The following DGKB variants were observed in gnomAD, a reference collection of about 807,000 sequenced individuals.
The protein encoded by DGKB is diacylglycerol kinase beta.
In DGKB, 67 loss-of-function variants were observed where a neutral mutation model predicts 114.3. That is an observed-to-expected ratio of 0.59 (90% confidence interval 0.48 to 0.72). The LOEUF is 0.72. Ranked by LOEUF, DGKB falls within the 30% of genes least tolerant of loss-of-function variation. The pLI, the probability that DGKB is intolerant of heterozygous loss-of-function variation, is 0.00. For synonymous variants in DGKB, 398 were observed against 323.1 expected, an observed-to-expected ratio of 1.23 and a Z score of -2.49; for missense variants, 907 against 975.2, an observed-to-expected ratio of 0.93 and a Z score of 0.93.
intron 1 of DGKB, among the ~76,000 whole-genome samples, chr7:14,871,335 T>C (rs1166184341): frequency 6.6e-6 from 1 of 152,090 alleles, no homozygotes; most frequent in Non-Finnish European, 1.5e-5. Context: ...TGCTGTGCAA[T>C]AGGTCACCAG....
intron 20 of DGKB, among the ~76,000 whole-genome samples, chr7:14,507,054 G>C (rs1787200811): frequency 6.6e-6 from 1 of 152,092 alleles, no homozygotes. Context: ...CCTGATGTCT[G>C]GGTTATTTAA....
chr7:14,293,128 T>A (rs984643221), intron 23 of DGKB, among the ~76,000 whole-genome samples: 7 of 152,206 alleles, frequency 4.6e-5, no homozygotes, highest in African/African-American at 1.7e-4. Flanking sequence ...TATTGCTATT[T>A]GTTAAATATG....
intron 21 of DGKB, among the ~76,000 whole-genome samples, chr7:14,442,846 C>CTATGCCA (rs1364647608): frequency 6.6e-6 from 1 of 152,052 alleles, no homozygotes; most frequent in African/African-American, 2.4e-5. Context: ...GTGCCCCACT[C>CTATGCCA]TATGCCATAT....
At chr7:14,665,982 C>T (rs1287680290) in intron 13 of DGKB, among the ~76,000 whole-genome samples, 1 of 151,698 alleles carries the variant, frequency 6.6e-6, no homozygotes, top group African/African-American at 2.4e-5. Flanking sequence ...TGGACTTAAG[C>T]CATTGCAGAG....
chr7:14,682,969 T>C (rs1821089531), intron 10 of DGKB, 128 bp from the exon 11 acceptor site: 1 of 667,958 alleles, frequency 1.5e-6, no homozygotes, highest in Non-Finnish European at 2.6e-6. Context: ...ATCAGCCACA[T>C]CAAGGAGAAG....
chr7:14,826,175 C>T (rs1257585885), intron 2 of DGKB, among the ~76,000 whole-genome samples: 1 of 152,122 alleles, frequency 6.6e-6, no homozygotes, highest in Admixed American at 6.6e-5. Context: ...CTTCTTCTTA[C>T]TAACACCTGG....
At chr7:14,527,532 T>C (rs1307523495) in intron 20 of DGKB, among the ~76,000 whole-genome samples, 2 of 152,046 alleles carry the variant, frequency 1.3e-5, no homozygotes, top group South Asian at 2.1e-4. Flanking sequence ...CCAAGAACAT[T>C]AGAGTTAGAA....
intron 13 of DGKB, 44 bp from the exon 14 acceptor site, chr7:14,630,312 A>T: frequency 6.8e-7 from 1 of 1,480,766 alleles, no homozygotes; most frequent in Non-Finnish European, 9.1e-7. Flanking sequence ...AAAAGAGTCA[A>T]ACTCAAAACA....
chr7:14,887,796 T>C (rs1449823857), intron 1 of DGKB, among the ~76,000 whole-genome samples: 3 of 151,750 alleles, frequency 2.0e-5, no homozygotes, highest in Non-Finnish European at 4.4e-5. Context: ...TCCAAGAAAA[T>C]GAAAATTTTA....
In DGKB at chr7:14,954,189, A is replaced by C. The variant is rs1450210779; in HGVS notation, c.-188+20507T>G. On this transcript the variant is annotated intron_variant, in intron 1 of 4. Transcript: ENST00000437998. ...CCTTGACATCCTCTCTGTCTTCTCT[A>C]CCTTCAAACTGAATGGTTCATTCCG... 1.4e-4 allele frequency among the ~76,000 whole-genome samples: 22 copies of C among 152,020 alleles called. 1 individual carries two copies. Among genetic ancestry groups the C allele is most frequent in the Admixed American group, 1.4e-3 (22 of 15,230 alleles).
At chr7:14,902,359 A>G (rs573474203) in intron 1 of DGKB, among the ~76,000 whole-genome samples, 1 of 152,338 alleles carries the variant, frequency 6.6e-6, no homozygotes, top group Admixed American at 6.5e-5. Context: ...CACAATGGAC[A>G]GGGCACTTTC....
At position 14,304,087 on chromosome 7, in the gene DGKB, A is replaced by ACACTCT. The variant is rs140836395; in HGVS notation, c.2122+34427_2122+34428insAGAGTG. Among the ~76,000 whole-genome samples the ACACTCT allele has an allele frequency of 2.7e-3, 299 of 110,100 alleles. 6 individuals carry two copies. Among genetic ancestry groups the ACACTCT allele is most frequent in the African/African-American group, 9.1e-3 (250 of 27,506 alleles). The allele number at this position is 110,100 out of a possible 152,430, so 72.2% of individuals were successfully genotyped here. On this transcript the variant is annotated intron_variant, in intron 23 of 25. Coordinates refer to ENST00000402815, the MANE Select transcript of DGKB (RefSeq NM_001350709.2). ...CACACACACACACACACACACACAC[A>ACACTCT]CTCTCTCTCTCTCACCCCTACCTCA... is the stretch of plus-strand genomic sequence containing the variant.
chr7:14,231,996 T>C (rs1358780523), intron 23 of DGKB, among the ~76,000 whole-genome samples: 1 of 152,056 alleles, frequency 6.6e-6, no homozygotes, highest in African/African-American at 2.4e-5. Context: ...CCTCTTAGTC[T>C]TTCTGAGAAT....
At chr7:14,746,799 A>T (rs1489489434) in intron 4 of DGKB, among the ~76,000 whole-genome samples, 1 of 152,148 alleles carries the variant, frequency 6.6e-6, no homozygotes, top group African/African-American at 2.4e-5. Flanking sequence ...ATGCCCAGCC[A>T]ATTTGCCTTT....
chr7:14,685,113 GA>G (rs1263757544), intron 10 of DGKB, 131 bp downstream of exon 10: 1 of 499,020 alleles, frequency 2.0e-6, no homozygotes. Context: ...CACACTACAG[GA>G]AAATATAAAT....
chr7:14,685,591 A>C (rs1190172351), intron 9 of DGKB, among the ~76,000 whole-genome samples: 1 of 152,166 alleles, frequency 6.6e-6, no homozygotes, highest in African/African-American at 2.4e-5. Context: ...ATCCTTGTCT[A>C]ATATTAACAG....
intron 2 of DGKB, among the ~76,000 whole-genome samples, chr7:14,797,760 T>C (rs1841599273): frequency 6.6e-6 from 1 of 152,126 alleles, no homozygotes; most frequent in East Asian, 1.9e-4. Flanking sequence ...GTGGCTTTCC[T>C]TCTTCTCTCC....
At chr7:14,930,438 A>G (rs762521029) in intron 1 of DGKB, among the ~76,000 whole-genome samples, 11 of 152,090 alleles carry the variant, frequency 7.2e-5, no homozygotes, top group Admixed American at 3.3e-4. Flanking sequence ...TCCTTGTTTG[A>G]ATATATTCCT....
At chr7:14,574,650 C>A (rs1355046420) in intron 19 of DGKB, among the ~76,000 whole-genome samples, 1 of 152,158 alleles carries the variant, frequency 6.6e-6, no homozygotes, top group Non-Finnish European at 1.5e-5. Flanking sequence ...GTATTCCCCA[C>A]AAAACTTTAT....
Sources: gnomAD v4.1 joint callset for allele counts (sites outside exome capture counted in the v4.1 genomes callset) on GRCh38, gnomAD v4.1.1 for gene constraint, MANE v1.5 for transcripts, NCBI Gene and HGNC (gene_info 2026-07-23, HGNC 2026-07-21) for gene names.